The following KLC1 variants were observed in gnomAD, a reference collection of about 807,000 sequenced individuals.
KLC1 encodes the protein kinesin light chain 1, also known as kinesin 2 60/70kDa.
A neutral mutation model predicts 84.2 loss-of-function variants in KLC1; 30 were observed. That is an observed-to-expected ratio of 0.36 (90% CI 0.27 to 0.48). The LOEUF is 0.48. KLC1 is among the 20% of genes least tolerant of loss of function. The probability of loss-of-function intolerance (pLI) is 0.99; values close to 1 mark genes in which losing one functional copy is unlikely to be tolerated. For synonymous variants in KLC1, 289 were observed against 293.3 expected (o/e 0.99, Z 0.15); for missense variants, 499 against 805.4 (o/e 0.62, Z 4.60).
intron 14 of KLC1, chr14:103,687,815 G>C (rs1050795227): frequency 6.6e-6 from 1 of 152,188 alleles, no homozygotes; most frequent in Admixed American, 6.5e-5. Context: ...AAGGAATTTG[G>C]TTCTTAAGAT....
rs2078589301 is a variant in KLC1, at chr14:103,653,161, A to G, written c.-1-1403A>G. Among the ~76,000 whole-genome samples the G allele has an allele frequency of 7.2e-5, 11 of 152,038 alleles. No individual in the cohort carries two copies. The South Asian group carries it at 2.1e-3, about 29-fold the overall frequency. On this transcript the variant is annotated intron_variant, in intron 1 of 16. Transcript: ENST00000334553. The stretch of plus-strand genomic sequence containing the variant: ...TTTTCTTTTTTTGGGAATTTTTTAA[A>G]GAGACAGGGTCTTGCTCCGTCACCC...
chr14:103,699,772 C>T (rs1160009465), intron 15 of KLC1: 2 of 627,316 alleles, frequency 3.2e-6, no homozygotes, highest in Non-Finnish European at 2.9e-6. Flanking sequence ...ATAGAAGCTT[C>T]AGGCTCACAC....
intron 15 of KLC1, chr14:103,699,458 G>T (rs781206798): frequency 2.5e-6 from 4 of 1,612,818 alleles, no homozygotes; most frequent in East Asian, 4.5e-5. Context: ...GGGGGCGGAG[G>T]CCTGGCTGTC....
chr14:103,684,703 T>C, intron 13 of KLC1: 1 of 326,738 alleles, frequency 3.1e-6, no homozygotes, highest in East Asian at 6.1e-5. Context: ...AGAGAGAGCA[T>C]GAGTGAGCGT....
intron 15 of KLC1, chr14:103,695,393 G>A: frequency 4.1e-6 from 4 of 979,532 alleles, no homozygotes; most frequent in Non-Finnish European, 4.8e-6. Flanking sequence ...AATTTGATGG[G>A]TTGTGAGAAG....
chr14:103,662,219 G>A, intron 4 of KLC1, 25 bp downstream of exon 4: 1 of 1,558,886 alleles, frequency 6.4e-7, no homozygotes. Context: ...ATGCAGGCAT[G>A]TTACCGAGTG....
chr14:103,664,819 CTTTTTTTTT>C (rs34967823), intron 5 of KLC1, among the ~76,000 whole-genome samples: 44 of 101,980 alleles, frequency 4.3e-4, no homozygotes, highest in African/African-American at 7.5e-4. Flanking sequence ...TTGGCCAAGG[CTTTTTTTTT>C]TTTTTTTTTT....
chr14:103,660,385 G>A (rs539727154), intron 3 of KLC1, among the ~76,000 whole-genome samples: 16 of 151,934 alleles, frequency 1.1e-4, no homozygotes, highest in Non-Finnish European at 1.9e-4. Flanking sequence ...GGAGGCTGAG[G>A]CAGGAGAATC....
At position 103,694,311 on chromosome 14, in the gene KLC1, G is replaced by A. The variant is rs1463541296; in HGVS notation, c.1848+1886G>A. The A allele has an allele frequency of 1.0e-6, 1 of 956,956 alleles. No individual in the cohort carries two copies. Among genetic ancestry groups the A allele is most frequent in the Non-Finnish European group, 1.2e-6 (1 of 805,232 alleles). 59.3% of individuals were successfully genotyped at this position (956,956 alleles called of 1,614,324 possible). On this transcript the variant is annotated intron_variant, in intron 15 of 16. Transcript: ENST00000334553. The surrounding 1 kb of genome is among the most constrained non-coding windows in gnomAD (Gnocchi z 4.5). ...CTGTTGCCCAGGCTGGAGCGCAGTG[G>A]CCCAATCTCGGCCCACTGCAAGCTC...
chr14:103,650,692 C>A (rs1198106134), intron 1 of KLC1, among the ~76,000 whole-genome samples: 1 of 150,898 alleles, frequency 6.6e-6, no homozygotes, highest in Non-Finnish European at 1.5e-5. Context: ...GATTCTTCTA[C>A]CTCAACCTCC....
At chr14:103,686,018 C>T (rs558091529) in intron 13 of KLC1, 1 of 1,070,008 alleles carries the variant, frequency 9.3e-7, no homozygotes, top group Non-Finnish European at 1.1e-6. Flanking sequence ...AGCCTTACAG[C>T]AAGGCATGTG....
At chr14:103,636,384 G>C (rs543969905) in intron 1 of KLC1, among the ~76,000 whole-genome samples, 6 of 152,136 alleles carry the variant, frequency 3.9e-5, no homozygotes, top group African/African-American at 1.4e-4. Flanking sequence ...ACCATGCCGG[G>C]CTAATTTTGT....
In KLC1 at chr14:103,693,459, G is replaced by C. The variant is rs1273242760; in HGVS notation, c.1848+1034G>C. Reference sequence around the variant, plus strand: ...CTCGAGTGCCAACCTAGATTTAGCTGTGCAGCTGGTACTGTTAGGCCTGAG... The same window carrying C: ...CTCGAGTGCCAACCTAGATTTAGCTCTGCAGCTGGTACTGTTAGGCCTGAG... On this transcript the variant is annotated intron_variant, in intron 15 of 16. Transcript: ENST00000334553. The surrounding 1 kb of genome is among the most constrained non-coding windows in gnomAD (Gnocchi z 5.1). 3 of 1,520,448 alleles carry C rather than the reference G, an allele frequency of 2.0e-6. No homozygotes were observed. In the African/African-American group the frequency reaches 4.1e-5, roughly 21 times the overall value. The allele number at this position is 1,520,448 out of a possible 1,614,324, so 94.2% of individuals were successfully genotyped here.
In KLC1 at chr14:103,663,977, T is replaced by A. The variant is rs1377690808; in HGVS notation, c.797+1050T>A. On this transcript the variant is annotated intron_variant, in intron 5 of 16. Coordinates refer to ENST00000334553, the MANE Select transcript of KLC1 (RefSeq NM_001394837.1). ...AGTTGATAAAATAAAAACACACAAA[T>A]AAGAAAGTAAGCCCCCTGTTATAAC... Among the ~76,000 whole-genome samples the A allele has an allele frequency of 5.9e-5, 9 of 152,256 alleles. No individual in the cohort carries two copies. The East Asian group carries it at 1.7e-3, about 29-fold the overall frequency.
Position 103,629,471 on chromosome 14 carries a change from A to C in KLC1, c.-25A>C, listed in dbSNP as rs991831697. 6.6e-6 allele frequency: 1 copy of C among 152,158 alleles called. No homozygotes were observed. The highest frequency in any genetic ancestry group is 2.4e-5 in the African/African-American group (1 of 41,370). 9.4% of individuals were successfully genotyped at this position (152,158 alleles called of 1,614,324 possible). On this transcript the variant is annotated 5_prime_UTR_variant, in exon 1 of 17. Coordinates refer to ENST00000334553, the MANE Select transcript of KLC1 (RefSeq NM_001394837.1). ...GCTCCAGGTGCTGACAGCGCGAGAG[A>C]GCGCGGCCCTCAGGAGCAAGGCGGT...
intron 1 of KLC1, among the ~76,000 whole-genome samples, chr14:103,641,300 C>T (rs747983691): frequency 2.0e-5 from 3 of 152,114 alleles, no homozygotes; most frequent in Non-Finnish European, 2.9e-5. Context: ...ACCTCAGGAT[C>T]CCATCCAAGA....
intron 1 of KLC1, among the ~76,000 whole-genome samples, chr14:103,652,064 T>TG (rs2078489628): frequency 6.6e-6 from 1 of 152,230 alleles, no homozygotes; most frequent in Admixed American, 6.5e-5. Context: ...GTAAAACACT[T>TG]GCATCTGCTA....
chr14:103,679,570 G>C, intron 13 of KLC1, 25 bp downstream of exon 13: 1 of 1,582,766 alleles, frequency 6.3e-7, no homozygotes, highest in Non-Finnish European at 8.7e-7. Flanking sequence ...CAGCGGGCAC[G>C]TGCTCCGGGA....
intron 13 of KLC1, chr14:103,685,691 C>T (rs528817412): frequency 2.6e-5 from 33 of 1,289,500 alleles, no homozygotes; most frequent in Middle Eastern, 4.3e-4. Flanking sequence ...TGGCGCCTCC[C>T]GCAGCTTCCC....
Sources: gnomAD v4.1 joint callset for allele counts (sites outside exome capture counted in the v4.1 genomes callset) on GRCh38, gnomAD v4.1.1 for gene constraint, Gnocchi (gnomAD v3.1) non-coding constraint, MANE v1.5 for transcripts, NCBI Gene and HGNC (gene_info 2026-07-23, HGNC 2026-07-21) for gene names.